MARCHF1: variants seen among roughly 807,000 people sequenced by gnomAD.
The protein encoded by MARCHF1 is E3 ubiquitin-protein ligase MARCHF1.
Under a neutral mutation model 54.2 loss-of-function variants are expected in MARCHF1, and 40 were observed. The observed-to-expected ratio is 0.74, with a 90% CI of 0.57 to 0.96. The LOEUF (loss-of-function observed/expected upper bound fraction) is 0.96. Among genes scored for constraint, MARCHF1 ranks in the 40% least tolerant of loss-of-function variants. The pLI, the probability that MARCHF1 is intolerant of heterozygous loss-of-function variation, is 0.00. For synonymous variants in MARCHF1, 236 were observed against 236.3 expected, an observed-to-expected ratio of 1.00 and a Z score of 0.01; for missense variants, 586 against 656.5, an observed-to-expected ratio of 0.89 and a Z score of 1.17.
intron 1 of MARCHF1, among the ~76,000 whole-genome samples, chr4:164,126,457 T>C (rs1426969983): frequency 6.6e-6 from 1 of 152,180 alleles, no homozygotes; most frequent in Non-Finnish European, 1.5e-5. Flanking sequence ...TGGTATTTAG[T>C]TAAAACAACC....
intron 3 of MARCHF1, among the ~76,000 whole-genome samples, chr4:163,878,327 T>C (rs937785122): frequency 1.3e-5 from 2 of 152,204 alleles, no homozygotes; most frequent in Admixed American, 6.5e-5. Flanking sequence ...TATGAATCTG[T>C]CATTGTTCTG....
At chr4:163,850,573 G>T (rs1454412735) in intron 4 of MARCHF1, among the ~76,000 whole-genome samples, 1 of 152,162 alleles carries the variant, frequency 6.6e-6, no homozygotes, top group Non-Finnish European at 1.5e-5. Flanking sequence ...ACAGAAATTT[G>T]AAGCCAAAGC....
intron 5 of MARCHF1, among the ~76,000 whole-genome samples, chr4:163,630,699 A>G (rs997136498): frequency 1.3e-5 from 2 of 152,194 alleles, no homozygotes; most frequent in African/African-American, 2.4e-5. Context: ...GCATATTTCT[A>G]TGTTCAAGGT....
intron 4 of MARCHF1, among the ~76,000 whole-genome samples, chr4:163,776,975 C>T (rs1747325953): frequency 6.6e-6 from 1 of 152,056 alleles, no homozygotes. Context: ...TGTTTTTATT[C>T]TAACCTGTTT....
In MARCHF1 at chr4:164,132,918, C is replaced by T. The variant is rs181348858; in HGVS notation, c.-322-21256G>A. Among the ~76,000 whole-genome samples, 1,027 of 152,108 alleles carry T rather than the reference C, an allele frequency of 6.8e-3. 12 individuals carry two copies. The highest frequency in any genetic ancestry group is 0.024 in the African/African-American group (985 of 41,496). On this transcript the variant is annotated intron_variant, in intron 1 of 9. Transcript: ENST00000514618. Reference sequence around the variant, plus strand: ...TTTTACATAGTATTTTATTTTCATGCTCACTGTGTCATAAATTTATCCAGC... The same window carrying T: ...TTTTACATAGTATTTTATTTTCATGTTCACTGTGTCATAAATTTATCCAGC...
At chr4:163,928,587 T>C (rs577935850) in intron 3 of MARCHF1, among the ~76,000 whole-genome samples, 1 of 151,940 alleles carries the variant, frequency 6.6e-6, no homozygotes, top group Non-Finnish European at 1.5e-5. Context: ...GAAAGGTGAG[T>C]TGCTATATTC....
intron 1 of MARCHF1, among the ~76,000 whole-genome samples, chr4:164,356,028 C>T (rs1221565790): frequency 2.2e-5 from 3 of 134,938 alleles, no homozygotes; most frequent in East Asian, 2.1e-4. Context: ...CTCACCATCA[C>T]TGGCCATCAG....
chr4:164,204,940 C>T (rs1731563585), intron 1 of MARCHF1, among the ~76,000 whole-genome samples: 1 of 152,102 alleles, frequency 6.6e-6, no homozygotes, highest in African/African-American at 2.4e-5. Flanking sequence ...ATCAAAAAAC[C>T]TAATTTCTTT....
At chr4:163,739,581 G>A (rs1746139211) in intron 4 of MARCHF1, among the ~76,000 whole-genome samples, 1 of 152,074 alleles carries the variant, frequency 6.6e-6, no homozygotes, top group Admixed American at 6.6e-5. Flanking sequence ...CCTCTTACAA[G>A]TTTTAACGAA....
intron 1 of MARCHF1, among the ~76,000 whole-genome samples, chr4:164,370,235 A>G (rs1730998428): frequency 6.6e-6 from 1 of 152,234 alleles, no homozygotes; most frequent in Non-Finnish European, 1.5e-5. Flanking sequence ...GGACTAAGAC[A>G]GAAATATGGT....
At chr4:164,360,029 G>A (rs775735295) in intron 1 of MARCHF1, among the ~76,000 whole-genome samples, 5 of 151,896 alleles carry the variant, frequency 3.3e-5, no homozygotes, top group South Asian at 2.1e-4. Flanking sequence ...AGAACACTCC[G>A]CGCAATCAGT....
At chr4:163,756,899 G>A in intron 4 of MARCHF1, among the ~76,000 whole-genome samples, 1 of 151,514 alleles carries the variant, frequency 6.6e-6, no homozygotes, top group South Asian at 2.1e-4. Flanking sequence ...CAGGATATGA[G>A]AAAAAAAAGA....
At chr4:163,719,871 T>A (rs1424328347) in intron 4 of MARCHF1, among the ~76,000 whole-genome samples, 2 of 151,692 alleles carry the variant, frequency 1.3e-5, no homozygotes, top group South Asian at 2.1e-4. Flanking sequence ...CGCTTGTTGA[T>A]GGGGTTGTTT....
intron 4 of MARCHF1, among the ~76,000 whole-genome samples, chr4:163,852,291 A>T (rs1351122171): frequency 6.6e-6 from 1 of 152,054 alleles, no homozygotes; most frequent in Non-Finnish European, 1.5e-5. Flanking sequence ...TTATTAGGTT[A>T]CCCAATTATA....
chr4:163,574,620 G>C (rs953218851), intron 8 of MARCHF1, among the ~76,000 whole-genome samples: 1 of 149,424 alleles, frequency 6.7e-6, no homozygotes, highest in African/African-American at 2.5e-5. Context: ...AGATCAGATA[G>C]TTGTAGATAT....
intron 2 of MARCHF1, among the ~76,000 whole-genome samples, chr4:163,991,744 G>A (rs753327967): frequency 1.3e-5 from 2 of 152,100 alleles, no homozygotes; most frequent in Non-Finnish European, 2.9e-5. Context: ...TATAATTACT[G>A]TTGAAATCAT....
At chr4:164,223,877 C>A (rs1341203962) in intron 1 of MARCHF1, among the ~76,000 whole-genome samples, 5 of 150,738 alleles carry the variant, frequency 3.3e-5, no homozygotes, top group African/African-American at 9.8e-5. Flanking sequence ...TTTGAAAATT[C>A]TTCTAAAAAC....
intron 1 of MARCHF1, among the ~76,000 whole-genome samples, chr4:164,305,928 A>G (rs1447864636): frequency 1.3e-5 from 2 of 151,450 alleles, no homozygotes; most frequent in African/African-American, 4.9e-5. Context: ...AAAGTCACAC[A>G]AAAGAATAGT....
intron 1 of MARCHF1, among the ~76,000 whole-genome samples, chr4:164,120,814 C>A (rs1455894500): frequency 1.3e-5 from 2 of 151,882 alleles, no homozygotes; most frequent in African/African-American, 4.8e-5. Flanking sequence ...ATACCAAAAC[C>A]TATGAGATAT....
Sources: gnomAD v4.1 joint callset for allele counts (sites outside exome capture counted in the v4.1 genomes callset) on GRCh38, gnomAD v4.1.1 for gene constraint, MANE v1.5 for transcripts, NCBI Gene and HGNC (gene_info 2026-07-23, HGNC 2026-07-21) for gene names.